ZNF711: variants seen among roughly 807,000 people sequenced by gnomAD.
ZNF711 encodes the protein zinc finger protein 711.
A neutral mutation model predicts 43.5 loss-of-function variants in ZNF711; 3 were observed. The ratio of observed to expected loss-of-function variants is 0.07; its 90% CI spans 0.03 to 0.18. ZNF711 has a LOEUF of 0.18. Ranked by LOEUF, ZNF711 falls within the 10% of genes least tolerant of loss-of-function variation. ZNF711 has a pLI of 1.00. For synonymous variants in ZNF711, 209 were observed against 207.7 expected (o/e 1.01, Z -0.06); for missense variants, 412 against 604.0 (o/e 0.68, Z 3.33).
In ZNF711 at chrX:85,262,985, A is replaced by G. The variant is rs758032296; in HGVS notation, c.623-1290A>G. On this transcript the variant is annotated intron_variant, in intron 5 of 10. Coordinates refer to ENST00000674551, the MANE Select transcript of ZNF711 (RefSeq NM_001330574.2). ...TTTAATGTCACTTTATTCTGTTTTTAATGGTTCTAGAATTGTTAGATGTAT... is the reference window on the plus strand; with the variant it reads ...TTTAATGTCACTTTATTCTGTTTTTGATGGTTCTAGAATTGTTAGATGTAT... 3.6e-5 allele frequency among the ~76,000 whole-genome samples: 4 copies of G among 110,106 alleles called. No homozygotes were observed. In the South Asian group the frequency reaches 1.5e-3, roughly 42 times the overall value.
intron 2 of ZNF711, among the ~76,000 whole-genome samples, chrX:85,246,498 A>G (rs1048906998): frequency 1.8e-5 from 2 of 111,995 alleles, no homozygotes; most frequent in Non-Finnish European, 3.8e-5. Context: ...TTAAGAATAT[A>G]TTAAGTTGTA....
chrX:85,247,763 A>G, intron 4 of ZNF711, 112 bp downstream of exon 4: 1 of 608,486 alleles, frequency 1.6e-6, no homozygotes, highest in Non-Finnish European at 2.7e-6. Flanking sequence ...TTCTTTTACT[A>G]GGAAAATATA....
At chrX:85,261,093 G>T (rs1401166692) in intron 5 of ZNF711, among the ~76,000 whole-genome samples, 1 of 111,178 alleles carries the variant, frequency 9.0e-6, no homozygotes, top group African/African-American at 3.3e-5. Flanking sequence ...CATTGAGTAG[G>T]CTGAAGAAGG....
At chrX:85,268,184 G>T in intron 8 of ZNF711, 110 bp from the exon 9 acceptor site, 2 of 962,877 alleles carry the variant, frequency 2.1e-6, no homozygotes, top group Non-Finnish European at 2.8e-6. Flanking sequence ...TTAACCCAAG[G>T]AATGGTGGGC....
chrX:85,258,975 C>A (rs1026099418), intron 5 of ZNF711, among the ~76,000 whole-genome samples: 1 of 111,048 alleles, frequency 9.0e-6, no homozygotes, highest in Non-Finnish European at 1.9e-5. Context: ...GTCATAAATT[C>A]TTTCCCGAGG....
chrX:85,255,464 A>C lies in ZNF711; in HGVS notation c.285A>C (p.Glu95Asp), dbSNP rs200733565. The C allele has an allele frequency of 6.6e-6, 8 of 1,209,989 alleles. No individual in the cohort carries two copies. The East Asian group carries it at 2.4e-4, about 36-fold the overall frequency. Residue 95 changes from glutamate (E) to aspartate (D), a missense_variant, in exon 5 of 11, where the codon GAA becomes GAC. This residue lies in a region of ZNF711 where 375 missense variants were observed against 514.2 expected (regional missense o/e 0.73). Transcript: ENST00000674551. ...TGATTGTTCCTGAAGCGGTACTTGA[A>C]GCTGATGTTGCCATTGAAGAGGATT... is the stretch of plus-strand genomic sequence containing the variant. ...EGVIVPEAVL[E>D]ADVAIEEDLE...
chrX:85,247,527 A>C lies in ZNF711; in HGVS notation c.-26-20A>C, dbSNP rs749308329. The C allele has an allele frequency of 1.1e-5, 12 of 1,092,273 alleles. No individual in the cohort carries two copies. The highest frequency in any genetic ancestry group is 1.5e-5 in the Non-Finnish European group (12 of 795,110). The allele number at this position is 1,092,273 out of a possible 1,213,427, so 90.0% of individuals were successfully genotyped here. ...TGGACTAAATATATTAAACTATTTT[A>C]AAAGCCATTTCTTTTGCAGATATTG... On this transcript the variant is annotated intron_variant, in intron 3 of 10. Transcript: ENST00000674551.
intron 10 of ZNF711, among the ~76,000 whole-genome samples, chrX:85,270,385 A>C (rs1931482677): frequency 9.1e-6 from 1 of 110,452 alleles, no homozygotes; most frequent in African/African-American, 3.3e-5. Flanking sequence ...TTGGTTTAAC[A>C]ATAAAGGGTA....
At position 85,254,402 on chromosome X, in the gene ZNF711, A is replaced by G. The variant is rs1420436047; in HGVS notation, c.80-857A>G. 4.8e-5 allele frequency among the ~76,000 whole-genome samples: 4 copies of G among 83,046 alleles called. 1 individual carries two copies. 72.1% of individuals were successfully genotyped at this position (83,046 alleles called of 115,157 possible). On this transcript the variant is annotated intron_variant, in intron 4 of 10. Coordinates refer to ENST00000674551, the MANE Select transcript of ZNF711 (RefSeq NM_001330574.2). ...GGTGGATCATGAGGTCAGGAGATCG[A>G]GACCATCCTGGCTAACAAGGTGAAA...
intron 4 of ZNF711, among the ~76,000 whole-genome samples, chrX:85,249,426 TA>T (rs1281792732): frequency 5.4e-5 from 6 of 111,721 alleles, no homozygotes; most frequent in African/African-American, 1.9e-4. Flanking sequence ...TAGCATTTGA[TA>T]AAGTGCCAAA....
intron 4 of ZNF711, among the ~76,000 whole-genome samples, chrX:85,253,213 A>G (rs1929697252): frequency 8.9e-6 from 1 of 111,759 alleles, no homozygotes; most frequent in South Asian, 3.7e-4. Context: ...TTATTCCTAC[A>G]GATTTACTAT....
chrX:85,263,750 C>T (rs1366482483), intron 5 of ZNF711, among the ~76,000 whole-genome samples: 1 of 109,917 alleles, frequency 9.1e-6, no homozygotes, highest in Non-Finnish European at 1.9e-5. Context: ...GAATTTGAAG[C>T]CGTTTTAATT....
rs180994960 is a variant in ZNF711 at position 85,262,541 on chromosome X, T to C, written c.623-1734T>C. 5.6e-4 allele frequency among the ~76,000 whole-genome samples: 62 copies of C among 110,701 alleles called. 1 individual carries two copies. Among genetic ancestry groups the C allele is most frequent in the African/African-American group, 1.9e-3 (60 of 30,815 alleles). On this transcript the variant is annotated intron_variant, in intron 5 of 10. Coordinates refer to ENST00000674551, the MANE Select transcript of ZNF711 (RefSeq NM_001330574.2). ...ATGATTTTTTCTATGTCATTTTTAT[T>C]CAACATTATTTTATAAGAGAAGCTA... is the stretch of plus-strand genomic sequence containing the variant.
chrX:85,266,723 C>T (rs962204912), intron 7 of ZNF711, among the ~76,000 whole-genome samples: 2 of 108,916 alleles, frequency 1.8e-5, no homozygotes, highest in African/African-American at 6.7e-5. Flanking sequence ...GCTTTCTCTC[C>T]TCAGTAGAAT....
At chrX:85,260,613 C>CCT (rs1555971867) in intron 5 of ZNF711, among the ~76,000 whole-genome samples, 49 of 108,575 alleles carry the variant, frequency 4.5e-4, no homozygotes, top group African/African-American at 1.5e-3. Context: ...TAGCCCCCCC[C>CCT]CCATCCACTC....
At chrX:85,245,096 A>G (rs1414045524) in intron 1 of ZNF711, among the ~76,000 whole-genome samples, 1 of 111,980 alleles carries the variant, frequency 8.9e-6, no homozygotes, top group African/African-American at 3.3e-5. Context: ...CAAAGCTGCA[A>G]TACTGCTACT....
intron 4 of ZNF711, among the ~76,000 whole-genome samples, chrX:85,248,298 T>TG (rs1287769235): frequency 9.3e-6 from 1 of 107,700 alleles, no homozygotes; most frequent in East Asian, 2.9e-4. Flanking sequence ...TGAAACCCCG[T>TG]CTCTACTAAA....
At chrX:85,262,600 T>C (rs763083991) in intron 5 of ZNF711, among the ~76,000 whole-genome samples, 2 of 110,447 alleles carry the variant, frequency 1.8e-5, no homozygotes, top group South Asian at 3.7e-4. Flanking sequence ...TAATCTTTTT[T>C]TATTTTAATT....
rs1374878064 is a variant in ZNF711 at position 85,272,487 on chromosome X, A to G, written c.*659A>G. 2 of 112,099 alleles carry G rather than the reference A, an allele frequency of 1.8e-5. No individual in the cohort carries two copies. Among genetic ancestry groups the G allele is most frequent in the Non-Finnish European group, 3.8e-5 (2 of 53,069 alleles). 9.2% of individuals were successfully genotyped at this position (112,099 alleles called of 1,213,427 possible). On this transcript the variant is annotated 3_prime_UTR_variant, in exon 11 of 11. Transcript: ENST00000674551. ...CTAAGGTGAAGTCTATAAAGATTAAAGTTCCCTTTTTTCTGATGTTCAAGT... is the reference window on the plus strand; with the variant it reads ...CTAAGGTGAAGTCTATAAAGATTAAGGTTCCCTTTTTTCTGATGTTCAAGT...
Sources: gnomAD v4.1 joint callset for allele counts (sites outside exome capture counted in the v4.1 genomes callset) on GRCh38, gnomAD v4.1.1 for gene constraint, gnomAD v4.1.1 regional missense constraint, MANE v1.5 for transcripts, NCBI Gene and HGNC (gene_info 2026-07-23, HGNC 2026-07-21) for gene names.